DPRX: variants seen among roughly 807,000 people sequenced by gnomAD.
The protein encoded by DPRX is divergent paired-related homeobox.
Under a neutral mutation model 8.4 loss-of-function variants are expected in DPRX, and 11 were observed. The observed-to-expected ratio is 1.31, with a 90% confidence interval of 0.82 to 2.17. The LOEUF is 2.17. DPRX is among the 30% of genes most tolerant of loss of function. DPRX has a pLI of 0.00. For synonymous variants in DPRX, 72 were observed against 87.0 expected (o/e 0.83, Z 0.96); for missense variants, 211 against 236.7 (o/e 0.89, Z 0.71).
At chr19:53,627,470 C>T (rs1162268752), upstream of DPRX, among the ~76,000 whole-genome samples, 3 of 138,978 alleles carry the variant, frequency 2.2e-5, no homozygotes, top group African/African-American at 8.0e-5. Flanking sequence ...AGAGTTCACT[C>T]TTATTGCCCA....
chr19:53,633,364 A>T (rs1210690479), intron 1 of DPRX, among the ~76,000 whole-genome samples: 1 of 152,194 alleles, frequency 6.6e-6, no homozygotes, highest in African/African-American at 2.4e-5. Context: ...TCCTAAAAGA[A>T]TATACTTAAT....
the DPRX span, among the ~76,000 whole-genome samples, chr19:53,611,094 G>A: frequency 6.6e-6 from 1 of 151,896 alleles, no homozygotes; most frequent in South Asian, 2.1e-4. Context: ...TAGAGACAAG[G>A]TTTCACCATG....
At chr19:53,610,704 C>T in the DPRX span, among the ~76,000 whole-genome samples, 55 of 152,292 alleles carry the variant, frequency 3.6e-4, no homozygotes, top group African/African-American at 1.2e-3. Context: ...CACACAAATT[C>T]AGAAACTTTC....
chr19:53,614,790 A>C, the DPRX span, among the ~76,000 whole-genome samples: 1 of 151,892 alleles, frequency 6.6e-6, no homozygotes, highest in Non-Finnish European at 1.5e-5. Context: ...TCTGCAGTTC[A>C]TTTGTAGATT....
chr19:53,634,500 C>T, intron 1 of DPRX, 31 bp from the exon 2 acceptor site: 6 of 1,595,124 alleles, frequency 3.8e-6, no homozygotes, highest in Middle Eastern at 3.7e-4. Context: ...GTTAGCATTT[C>T]CCATTTGTGT....
the DPRX span, among the ~76,000 whole-genome samples, chr19:53,609,731 T>C: frequency 1.9e-3 from 241 of 127,024 alleles, no homozygotes; most frequent in Non-Finnish European, 3.3e-3. Flanking sequence ...CTGGGCATAA[T>C]CCCAGCACTT....
the DPRX span, among the ~76,000 whole-genome samples, chr19:53,626,855 C>T: frequency 5.3e-5 from 8 of 151,954 alleles, no homozygotes; most frequent in African/African-American, 1.2e-4. Context: ...CCTGCCATCA[C>T]GCCTGGCTAA....
At chr19:53,611,197 C>A in the DPRX span, among the ~76,000 whole-genome samples, 2 of 152,046 alleles carry the variant, frequency 1.3e-5, no homozygotes, top group Admixed American at 6.6e-5. Context: ...CCACAGAGCC[C>A]AGCCACAAAG....
chr19:53,630,294 G>A (rs2091087754), upstream of DPRX, among the ~76,000 whole-genome samples: 1 of 150,128 alleles, frequency 6.7e-6, no homozygotes, highest in Non-Finnish European at 1.5e-5. Context: ...AACACAGACT[G>A]CCTCTTACTA....
At chr19:53,633,119 G>T (rs1379447485) in intron 1 of DPRX, among the ~76,000 whole-genome samples, 1 of 143,398 alleles carries the variant, frequency 7.0e-6, no homozygotes, top group African/African-American at 2.6e-5. Context: ...AACAAAACAA[G>T]ACGTTGTCTC....
chr19:53,603,833 G>C, the DPRX span, among the ~76,000 whole-genome samples: 1 of 140,984 alleles, frequency 7.1e-6, no homozygotes, highest in African/African-American at 2.7e-5. Flanking sequence ...AACCACCCCC[G>C]CCTCCCAGGT....
chr19:53,613,440 C>T, the DPRX span, among the ~76,000 whole-genome samples: 4 of 151,988 alleles, frequency 2.6e-5, no homozygotes, highest in Non-Finnish European at 5.9e-5. Context: ...CTTCACCTCC[C>T]AGGTTCTAGC....
chr19:53,609,484 A>G, the DPRX span, among the ~76,000 whole-genome samples: 1 of 149,608 alleles, frequency 6.7e-6, no homozygotes, highest in Non-Finnish European at 1.5e-5. Context: ...AAAAAAAAAA[A>G]AAAAAAAAAA....
At chr19:53,629,315 CAA>C (rs57730463), upstream of DPRX, among the ~76,000 whole-genome samples, 554 of 102,610 alleles carry the variant, frequency 5.4e-3, no homozygotes, top group African/African-American at 0.017. Flanking sequence ...GACTCTGTCT[CAA>C]AAAAAAAAAA....
At chr19:53,613,994 CAG>C in the DPRX span, among the ~76,000 whole-genome samples, 1 of 151,876 alleles carries the variant, frequency 6.6e-6, no homozygotes, top group Admixed American at 6.6e-5. Context: ...CTCTGTTGCC[CAG>C]GCTGGAGTGC....
At chr19:53,630,220 A>G (rs892568995), upstream of DPRX, among the ~76,000 whole-genome samples, 1 of 151,092 alleles carries the variant, frequency 6.6e-6, no homozygotes, top group East Asian at 2.0e-4. Context: ...CTCAAAAAAA[A>G]AAAAAAAAAC....
chr19:53,631,290 C>CTAAATAAATAAA (rs888529109), upstream of DPRX, among the ~76,000 whole-genome samples: 1 of 151,206 alleles, frequency 6.6e-6, no homozygotes, highest in East Asian at 2.0e-4. Context: ...GACTCCATCT[C>CTAAATAAATAAA]TAAATAAATA....
At chr19:53,618,688 AT>A in the DPRX span, among the ~76,000 whole-genome samples, 113 of 139,492 alleles carry the variant, frequency 8.1e-4, 1 homozygote, top group African/African-American at 2.7e-3. Flanking sequence ...TTGTCTCCAG[AT>A]TTTTTTTTTT....
the DPRX span, among the ~76,000 whole-genome samples, chr19:53,616,634 A>G: frequency 2.0e-5 from 3 of 152,214 alleles, no homozygotes; most frequent in Non-Finnish European, 2.9e-5. Flanking sequence ...CATGCCTGTA[A>G]TTCCGGCTAC....
Sources: gnomAD v4.1 joint callset for allele counts (sites outside exome capture counted in the v4.1 genomes callset) on GRCh38, gnomAD v4.1.1 for gene constraint, MANE v1.5 for transcripts, NCBI Gene and HGNC (gene_info 2026-07-23, HGNC 2026-07-21) for gene names.